The following ZC3H4 variants were observed in gnomAD, a reference collection of about 807,000 sequenced individuals.
ZC3H4 encodes zinc finger CCCH domain-containing protein 4.
In ZC3H4, 13 loss-of-function variants were observed where a neutral mutation model predicts 108.3. The ratio of observed to expected loss-of-function variants is 0.12; its 90% CI spans 0.08 to 0.19. The LOEUF (loss-of-function observed/expected upper bound fraction) is 0.19. Among genes scored for constraint, ZC3H4 ranks in the 10% least tolerant of loss-of-function variants. ZC3H4 has a pLI of 1.00. For synonymous variants in ZC3H4, 917 were observed against 749.6 expected (o/e 1.22, Z -3.65); for missense variants, 1,734 against 1,838.8 (o/e 0.94, Z 1.04).
chr19:47,067,730 G>A lies in ZC3H4; in HGVS notation c.2538C>T (p.Asp846=), dbSNP rs1378067167. Residue 846 remains aspartate (D), a synonymous_variant, in exon 15 of 15, where the codon GAC becomes GAT. Transcript: ENST00000253048. This position sits in a 1 kb window ranked among gnomAD's most constrained non-coding sequence, Gnocchi z 6.4. The part of the protein sequence containing the change: ...VGELSSSGLG[D]PRLQKGHPTG... ...TGGGGTGTCCCTTCTGGAGGCGGGG[G>A]TCCCCCAGCCCACTGCTGCTCAGCT... The A allele has an allele frequency of 1.2e-6, 2 of 1,607,356 alleles. No homozygotes were observed. Among genetic ancestry groups the A allele is most frequent in the Non-Finnish European group, 1.7e-6 (2 of 1,178,354 alleles).
At chr19:47,069,004 G>C in intron 14 of ZC3H4, 88 bp downstream of exon 14, 1 of 1,582,018 alleles carries the variant, frequency 6.3e-7, no homozygotes, top group Non-Finnish European at 8.5e-7. Flanking sequence ...CTTCCTGACA[G>C]GAAACCCAAC....
At position 47,094,479 on chromosome 19, in the gene ZC3H4, C is replaced by T. The variant is rs773288571; in HGVS notation, c.291G>A (p.Glu97=). 3.7e-6 allele frequency: 6 copies of T among 1,614,124 alleles called. No homozygotes were observed. The highest frequency in any genetic ancestry group is 4.2e-6 in the Non-Finnish European group (5 of 1,179,962). ...GEKHHSDSDE[E]KSHRRLKRKR... ...TCCGCTTCAGTCTCCTGTGGGACTT[C>T]TCCTCATCCGAATCACTGTGATGCT... Residue 97 remains glutamate, a synonymous_variant, in exon 3 of 15, where the codon GAG becomes GAA. Transcript: ENST00000253048.
rs1168561729 is a variant in ZC3H4, at chr19:47,066,985, C to A, written c.3283G>T (p.Ala1095Ser). The A allele has an allele frequency of 2.5e-6, 4 of 1,588,432 alleles. No homozygotes were observed. Among genetic ancestry groups the A allele is most frequent in the Non-Finnish European group, 3.4e-6 (4 of 1,167,448 alleles). ...GGCGCCTCAGCAGGGCCGGGCTTGG[C>A]AGCCCGGGAGGAGGCCGTAGAGTCT... ...PTDSTASSRA[A>S]KPGPAEAPSP... The change falls in exon 15 of 15, where the codon GCC (alanine) becomes TCC (serine). Residue 1095 changes from alanine to serine, a missense_variant. Physicochemically the swap from Ala to Ser is moderately conservative, Grantham distance 99. This residue lies in a region of ZC3H4 where 518 missense variants were observed against 499.6 expected (regional missense o/e 1.04). Coordinates refer to ENST00000253048, the MANE Select transcript of ZC3H4 (RefSeq NM_015168.2).
At chr19:47,108,948 C>T (rs2058001236) in intron 2 of ZC3H4, among the ~76,000 whole-genome samples, 2 of 152,048 alleles carry the variant, frequency 1.3e-5, no homozygotes, top group South Asian at 2.1e-4. Flanking sequence ...TCCATATTTC[C>T]ATGGTCACAA....
At position 47,087,290 on chromosome 19, in the gene ZC3H4, ACACACAC is replaced by A. The variant is rs1467769052; in HGVS notation, c.716-759_716-753del. Among the ~76,000 whole-genome samples the A allele has an allele frequency of 3.2e-5, 3 of 94,920 alleles. 1 individual carries two copies. The highest frequency in any genetic ancestry group is 4.2e-4 in the East Asian group (2 of 4,736). The allele number at this position is 94,920 out of a possible 152,430, so 62.3% of individuals were successfully genotyped here. A position where few individuals can be genotyped will look rare whatever the true frequency, so the allele number is the denominator to read the frequency against. On this transcript the variant is annotated intron_variant, in intron 5 of 14. Coordinates refer to ENST00000253048, the MANE Select transcript of ZC3H4 (RefSeq NM_015168.2). ...GACCCCGTCTCTCACACACACACAC[ACACACAC>A]AAAAAAAAACCCAAATGAGAAAGAA... is the stretch of plus-strand genomic sequence containing the variant.
intron 2 of ZC3H4, among the ~76,000 whole-genome samples, chr19:47,105,038 G>C (rs895928940): frequency 6.6e-6 from 1 of 152,150 alleles, no homozygotes; most frequent in African/African-American, 2.4e-5. Context: ...TCACTGAAAG[G>C]AGTGGAACGC....
At chr19:47,084,882 G>A (rs897834422) in intron 8 of ZC3H4, among the ~76,000 whole-genome samples, 174 bp downstream of exon 8, 3 of 152,210 alleles carry the variant, frequency 2.0e-5, no homozygotes, top group Non-Finnish European at 2.9e-5. Context: ...CAGCAGCAGC[G>A]CATCTCCCCA....
rs1215993189 is a variant in ZC3H4, at chr19:47,081,568, T to C, written c.1385A>G (p.Asp462Gly). Reference sequence around the variant, plus strand: ...CAGAGGGTCGTGGGAAAACATGCAGTCGTCACCATTGATGCAGTTCCCAGT... The same window carrying C: ...CAGAGGGTCGTGGGAAAACATGCAGCCGTCACCATTGATGCAGTTCCCAGT... ...HTTGNCINGD[D>G]CMFSHDPLTE... is the part of the protein sequence containing the mutation. The change falls in exon 11 of 15, where the codon GAC becomes GGC. Residue 462 changes from aspartate to glycine, a missense_variant. Transcript: ENST00000253048. The C allele has an allele frequency of 1.9e-6, 3 of 1,614,200 alleles. No homozygotes were observed. In the East Asian group the frequency reaches 6.7e-5, roughly 36 times the overall value.
At chr19:47,081,977 A>G (rs1193686859) in intron 10 of ZC3H4, among the ~76,000 whole-genome samples, 2 of 152,174 alleles carry the variant, frequency 1.3e-5, no homozygotes, top group African/African-American at 4.8e-5. Context: ...AACATGCTCC[A>G]TGTGCATCTC....
At chr19:47,112,268 G>T in intron 2 of ZC3H4, 156 bp downstream of exon 2, 1 of 1,132,220 alleles carries the variant, frequency 8.8e-7, no homozygotes, top group African/African-American at 1.6e-5. Flanking sequence ...GAGCGAGCGA[G>T]CAAGCGATCG....
intron 2 of ZC3H4, among the ~76,000 whole-genome samples, chr19:47,104,762 G>A (rs895652480): frequency 6.6e-6 from 1 of 152,214 alleles, no homozygotes; most frequent in African/African-American, 2.4e-5. Context: ...CCGTGGAGTG[G>A]CAGGGCCTGC....
At chr19:47,102,033 C>A (rs1568566287) in intron 2 of ZC3H4, among the ~76,000 whole-genome samples, 7 of 150,538 alleles carry the variant, frequency 4.6e-5, no homozygotes, top group African/African-American at 1.7e-4. Flanking sequence ...GACTTCGTCT[C>A]AAAAAAAAAG....
At chr19:47,088,105 G>A (rs1215668412) in intron 5 of ZC3H4, among the ~76,000 whole-genome samples, 2 of 151,724 alleles carry the variant, frequency 1.3e-5, no homozygotes, top group Non-Finnish European at 1.5e-5. Flanking sequence ...CCCGGGAAGC[G>A]GAGGTTGCAG....
chr19:47,101,409 A>C (rs895228736), intron 2 of ZC3H4, among the ~76,000 whole-genome samples: 2 of 151,868 alleles, frequency 1.3e-5, no homozygotes, highest in Admixed American at 6.5e-5. Flanking sequence ...ATTTAAAGAC[A>C]GGGTCTCTCT....
rs985856137 is a variant in ZC3H4, at chr19:47,112,462, C to T, written c.123G>A (p.Pro41=). The T allele has an allele frequency of 2.5e-5, 26 of 1,041,880 alleles. No homozygotes were observed. Among genetic ancestry groups the T allele is most frequent in the Non-Finnish European group, 2.7e-5 (22 of 808,426 alleles). The allele number at this position is 1,041,880 out of a possible 1,614,324, so 64.5% of individuals were successfully genotyped here. ...GCGGGAGGCGGTGGTGGAGGAGGTGCGGGGTGGCCGGGCGGGCGTCGGGGG... is the reference window on the plus strand; with the variant it reads ...GCGGGAGGCGGTGGTGGAGGAGGTGTGGGGTGGCCGGGCGGGCGTCGGGGG... ...PCSPDARPAT[P]HLLHHRLPLP... Residue 41 remains proline (P), a synonymous_variant, in exon 2 of 15, where the codon CCG becomes CCA. Transcript: ENST00000253048.
At chr19:47,073,145 C>T (rs562861326) in intron 11 of ZC3H4, among the ~76,000 whole-genome samples, 138 of 151,834 alleles carry the variant, frequency 9.1e-4, no homozygotes, top group African/African-American at 3.3e-3. Flanking sequence ...TGGTAGTGCA[C>T]GCCTGTAGTC....
At chr19:47,090,947 G>C (rs560964805) in intron 4 of ZC3H4, among the ~76,000 whole-genome samples, 1 of 152,284 alleles carries the variant, frequency 6.6e-6, no homozygotes, top group East Asian at 1.9e-4. Context: ...GCTCAATTTT[G>C]AATAAACTTA....
At chr19:47,104,734 T>C (rs897193076) in intron 2 of ZC3H4, among the ~76,000 whole-genome samples, 3 of 152,250 alleles carry the variant, frequency 2.0e-5, no homozygotes, top group Non-Finnish European at 2.9e-5. Context: ...CTTCAGTTAC[T>C]GTGACTGCTC....
chr19:47,083,301 A>T (rs2057557310), intron 9 of ZC3H4, among the ~76,000 whole-genome samples: 3 of 150,532 alleles, frequency 2.0e-5, no homozygotes, highest in South Asian at 4.2e-4. Flanking sequence ...GACTCGGTCT[A>T]AAAAAAATTA....
Sources: gnomAD v4.1 joint callset for allele counts (sites outside exome capture counted in the v4.1 genomes callset) on GRCh38, gnomAD v4.1.1 for gene constraint, gnomAD v4.1.1 regional missense constraint, Gnocchi (gnomAD v3.1) non-coding constraint, MANE v1.5 for transcripts, NCBI Gene and HGNC (gene_info 2026-07-23, HGNC 2026-07-21) for gene names.